Variants in RBM44 observed in about 807,000 individuals in gnomAD.
RBM44 encodes RNA-binding protein 44.
RBM44 carries 66 observed loss-of-function variants against 105.1 expected under a neutral mutation model. The observed-to-expected ratio is 0.63, with a 90% CI of 0.52 to 0.77. The LOEUF (loss-of-function observed/expected upper bound fraction) is 0.77, where lower values mean the gene tolerates loss of function less well. Among genes scored for constraint, RBM44 ranks in the 30% least tolerant of loss-of-function variants. The pLI is 0.00. For synonymous variants in RBM44, 365 were observed against 417.6 expected, an observed-to-expected ratio of 0.87 and a Z score of 1.54; for missense variants, 1,122 against 1,207.8, an observed-to-expected ratio of 0.93 and a Z score of 1.05.
chr2:237,817,611 A>G lies in RBM44; in HGVS notation c.692A>G (p.Asn231Ser), dbSNP rs191064368. The change falls in exon 3 of 16, where the codon AAT becomes AGT. Residue 231 changes from asparagine (N) to serine (S), a missense_variant. Physicochemically the swap from Asn to Ser is conservative, Grantham distance 46. Coordinates refer to ENST00000316997, the MANE Select transcript of RBM44 (RefSeq NM_001080504.3). Reference sequence around the variant, plus strand: ...GGTTATGAAGTTAAATGTGCTAGCAATGTAGAAGATAATCGTGTTAACTCG... The same window carrying G: ...GGTTATGAAGTTAAATGTGCTAGCAGTGTAGAAGATAATCGTGTTAACTCG... ...NSGYEVKCAS[N>S]VEDNRVNSGS... 4.3e-4 allele frequency: 695 copies of G among 1,613,006 alleles called. 1 individual carries two copies. Among genetic ancestry groups the G allele is most frequent in the Non-Finnish European group, 4.4e-4 (524 of 1,179,446 alleles).
intron 2 of RBM44, 42 bp from the exon 3 acceptor site, chr2:237,816,951 C>G: frequency 8.1e-7 from 1 of 1,233,814 alleles, no homozygotes; most frequent in African/African-American, 1.5e-5. Context: ...TGTCTAGATT[C>G]TGTAATGTTG....
At position 237,824,388 on chromosome 2, in the gene RBM44, A is replaced by G; in HGVS notation, c.2418A>G (p.Glu806=). ...CAGGGACACAGGGAAATCAAGTAGA[A>G]CAAGACACATGGAATTTGGATCTTA... ...DVSGTQGNQV[E]QDTWNLDLTG... The change falls in exon 10 of 16, where the codon GAA becomes GAG. Residue 806 remains glutamate, a synonymous_variant. Coordinates refer to ENST00000316997, the MANE Select transcript of RBM44 (RefSeq NM_001080504.3). 6 of 1,612,950 alleles carry G rather than the reference A, an allele frequency of 3.7e-6. No individual in the cohort carries two copies. Among genetic ancestry groups the G allele is most frequent in the Non-Finnish European group, 5.1e-6 (6 of 1,179,250 alleles).
At position 237,827,427 on chromosome 2, in the gene RBM44, T is replaced by C. The variant is rs986539115; in HGVS notation, c.2530-6T>C. The stretch of plus-strand genomic sequence containing the variant: ...CTTTCACAAACTTTTATTTCTCTTC[T>C]TTTAGGCCGATTTAAGGTCTCATTT... On this transcript the variant is annotated splice_region_variant and splice_polypyrimidine_tract_variant and intron_variant, in intron 11 of 15. Transcript: ENST00000316997. 18 of 1,516,860 alleles carry C rather than the reference T, an allele frequency of 1.2e-5. No individual in the cohort carries two copies. The highest frequency in any genetic ancestry group is 1.6e-5 in the Non-Finnish European group (18 of 1,117,306). The allele number at this position is 1,516,860 out of a possible 1,614,324, so 94.0% of individuals were successfully genotyped here.
intron 2 of RBM44, among the ~76,000 whole-genome samples, chr2:237,815,614 G>C (rs2061706658): frequency 6.6e-6 from 1 of 151,876 alleles, no homozygotes; most frequent in Admixed American, 6.6e-5. Context: ...GAAAATACAA[G>C]AATACATTGG....
chr2:237,818,922 G>A lies in RBM44; in HGVS notation c.1699G>A (p.Ala567Thr), dbSNP rs1202037569. 2.7e-6 allele frequency: 4 copies of A among 1,484,532 alleles called. No homozygotes were observed. Among genetic ancestry groups the A allele is most frequent in the Non-Finnish European group, 3.7e-6 (4 of 1,092,578 alleles). The allele number at this position is 1,484,532 out of a possible 1,614,324, so 92.0% of individuals were successfully genotyped here. A position where few individuals can be genotyped will look rare whatever the true frequency, so the allele number is the denominator to read the frequency against. The change falls in exon 4 of 16, where the codon GCA becomes ACA. Residue 567 changes from alanine to threonine, a missense_variant. By Grantham distance (58) the Ala-to-Thr change is moderately conservative. Around this residue, in one of 3 missense-constraint regions of RBM44, gnomAD observed 918 missense variants for 955.3 expected, o/e 0.96. Coordinates refer to ENST00000316997, the MANE Select transcript of RBM44 (RefSeq NM_001080504.3). The surrounding 1 kb of genome is among the most constrained non-coding windows in gnomAD (Gnocchi z 4.6). ...TCAGGATTTCCTGGAATTAAGAAAA[G>A]CATGTGGTATCACAGACCTAAAGAA... ...LNKDFLELRK[A>T]CGITDLKKHP...
intron 1 of RBM44, among the ~76,000 whole-genome samples, chr2:237,809,189 TC>T (rs2150970566): frequency 6.6e-6 from 1 of 152,308 alleles, no homozygotes; most frequent in South Asian, 2.1e-4. Context: ...GTTGACTCTT[TC>T]AAGTCTTATG....
rs113151634 is a variant in RBM44 at position 237,821,539 on chromosome 2, A to G, written c.2120+171A>G. ...TTGTACAAATGTATGGGGTACATGT[A>G]ATATTTTTTGCATGCATAGGATGTG... On this transcript the variant is annotated intron_variant, in intron 7 of 15. Transcript: ENST00000316997. Among the ~76,000 whole-genome samples, 455 of 152,184 alleles carry G rather than the reference A, an allele frequency of 3.0e-3. 1 individual carries two copies. The highest frequency in any genetic ancestry group is 4.6e-3 in the Non-Finnish European group (310 of 67,986).
chr2:237,807,762 T>G (rs766827250), intron 1 of RBM44, among the ~76,000 whole-genome samples: 37 of 152,256 alleles, frequency 2.4e-4, no homozygotes, highest in Admixed American at 3.9e-4. Flanking sequence ...GCCTTACAAT[T>G]AAAGTAAACC....
rs1576514569 is a variant in RBM44 at position 237,829,602 on chromosome 2, G to T, written c.2886+100G>T. 3 of 1,027,386 alleles carry T rather than the reference G, an allele frequency of 2.9e-6. No individual in the cohort carries two copies. The South Asian group carries it at 5.0e-5, about 17-fold the overall frequency. 63.6% of individuals were successfully genotyped at this position (1,027,386 alleles called of 1,614,324 possible). On this transcript the variant is annotated intron_variant, in intron 13 of 15. Coordinates refer to ENST00000316997, the MANE Select transcript of RBM44 (RefSeq NM_001080504.3). Reference sequence around the variant, plus strand: ...ACTTCAATATGCAGTCTTGAAATGGGAATGACAGCATTAATCTGAATTGTT... The same window carrying T: ...ACTTCAATATGCAGTCTTGAAATGGTAATGACAGCATTAATCTGAATTGTT...
chr2:237,818,583 A>G lies in RBM44; in HGVS notation c.1664A>G (p.Asn555Ser), dbSNP rs1204506873. The change falls in exon 3 of 16, where the codon AAT becomes AGT. Residue 555 changes from asparagine (N) to serine (S), a missense_variant. Physicochemically the swap from Asn to Ser is conservative, Grantham distance 46 (BLOSUM62 1). This residue lies in a region of RBM44 where 918 missense variants were observed against 955.3 expected (regional missense o/e 0.96). Transcript: ENST00000316997. This position sits in a 1 kb window ranked among gnomAD's most constrained non-coding sequence, Gnocchi z 4.6. ...GTTGACAGTTTAAAACCTAATGGAA[A>G]TTTTCTAAATAAGGTAAAATCAATA... ...LSVDSLKPNG[N>S]FLNKDFLELR... The G allele has an allele frequency of 6.5e-7, 1 of 1,531,338 alleles. No homozygotes were observed. The highest frequency in any genetic ancestry group is 1.3e-5 in the South Asian group (1 of 77,894). The allele number at this position is 1,531,338 out of a possible 1,614,324, so 94.9% of individuals were successfully genotyped here.
Position 237,834,101 on chromosome 2 carries a change from G to C in RBM44, c.2991G>C (p.Lys997Asn), listed in dbSNP as rs369911855. The C allele has an allele frequency of 5.1e-5, 80 of 1,581,392 alleles. No homozygotes were observed. The highest frequency in any genetic ancestry group is 6.6e-5 in the Non-Finnish European group (77 of 1,161,926). Residue 997 changes from lysine (K) to asparagine (N), a missense_variant, in exon 14 of 16, where the codon AAG (lysine) becomes AAC (asparagine). Lys to Asn is a moderately conservative substitution (Grantham distance 94). This residue lies in a region of RBM44 where 194 missense variants were observed against 225.5 expected (regional missense o/e 0.86). Coordinates refer to ENST00000316997, the MANE Select transcript of RBM44 (RefSeq NM_001080504.3). Reference sequence around the variant, plus strand: ...CATTGAACCTTCGTAGCTTTACCAAGATCATAAAGAGACTGGCTGAACTGC... The same window carrying C: ...CATTGAACCTTCGTAGCTTTACCAACATCATAAAGAGACTGGCTGAACTGC... ...PNTLNLRSFT[K>N]IIKRLAELHP...
chr2:237,829,101 AT>A, intron 12 of RBM44, 115 bp from the exon 13 acceptor site: 1 of 708,218 alleles, frequency 1.4e-6, no homozygotes, highest in South Asian at 2.1e-5. Flanking sequence ...CAACCTTTTT[AT>A]TTTTAAAAGC....
intron 13 of RBM44, among the ~76,000 whole-genome samples, chr2:237,833,462 TC>T (rs2061922247): frequency 1.3e-5 from 2 of 152,162 alleles, no homozygotes; most frequent in Non-Finnish European, 2.9e-5. Flanking sequence ...CTATAGTTTT[TC>T]CCCCACAGCA....
At chr2:237,813,703 C>A (rs749193733) in intron 2 of RBM44, 21 bp downstream of exon 2, 20 of 1,520,064 alleles carry the variant, frequency 1.3e-5, no homozygotes, top group Middle Eastern at 1.7e-4. Flanking sequence ...AGTCCACTTA[C>A]CCTTATTCTT....
Position 237,817,024 on chromosome 2 carries a change from G to T in RBM44, c.105G>T (p.Leu35Phe), listed in dbSNP as rs758946689. Residue 35 changes from leucine to phenylalanine, a missense_variant, in exon 3 of 16, where the codon TTG becomes TTT. By Grantham distance (22) the Leu-to-Phe change is conservative. This residue lies in a region of RBM44 where 918 missense variants were observed against 955.3 expected (regional missense o/e 0.96). Transcript: ENST00000316997. ...DKPSNPKKEN[L>F]LLSSNGCDEV... ...CTTCAAATCCAAAGAAAGAAAATTT[G>T]TTATTATCCTCCAATGGTTGTGATG... The T allele has an allele frequency of 1.3e-6, 2 of 1,547,224 alleles. No individual in the cohort carries two copies. Among genetic ancestry groups the T allele is most frequent in the Admixed American group, 2.2e-5 (1 of 46,256 alleles).
chr2:237,813,215 A>G (rs774509398), intron 1 of RBM44, among the ~76,000 whole-genome samples: 2 of 152,186 alleles, frequency 1.3e-5, no homozygotes, highest in Admixed American at 6.5e-5. Flanking sequence ...GAATTATGCA[A>G]TAGGTGATCT....
rs753653502 is a variant in RBM44, at chr2:237,817,307, A to G, written c.388A>G (p.Ser130Gly). 1 of 1,606,402 alleles carries G rather than the reference A, an allele frequency of 6.2e-7. No individual in the cohort carries two copies. The highest frequency in any genetic ancestry group is 1.7e-5 in the Admixed American group (1 of 58,640). ...AAAGAAGGAAAGTCTTACTCCTTTAAGTTCAGAATTAGATCCTGAAGTGCA... is the reference window on the plus strand; with the variant it reads ...AAAGAAGGAAAGTCTTACTCCTTTAGGTTCAGAATTAGATCCTGAAGTGCA... ...KLKKESLTPLSSELDPEVQKK... is the reference protein window; with the variant it reads ...KLKKESLTPLGSELDPEVQKK... The change falls in exon 3 of 16, where the codon AGT becomes GGT. Residue 130 changes from serine (S) to glycine (G), a missense_variant. By Grantham distance (56) the Ser-to-Gly change is moderately conservative. Transcript: ENST00000316997.
chr2:237,825,814 C>T (rs923673281), intron 10 of RBM44, among the ~76,000 whole-genome samples: 2 of 152,084 alleles, frequency 1.3e-5, no homozygotes, highest in African/African-American at 4.8e-5. Context: ...TCATTATTCC[C>T]TCCTCACTCC....
At chr2:237,829,629 T>G in intron 13 of RBM44, 127 bp downstream of exon 13, 2 of 879,588 alleles carry the variant, frequency 2.3e-6, no homozygotes, top group Non-Finnish European at 1.7e-6. Context: ...TGAATTGTTT[T>G]CAACCTTGAA....
Sources: gnomAD v4.1 joint callset for allele counts (sites outside exome capture counted in the v4.1 genomes callset) on GRCh38, gnomAD v4.1.1 for gene constraint, gnomAD v4.1.1 regional missense constraint, Gnocchi (gnomAD v3.1) non-coding constraint, MANE v1.5 for transcripts, NCBI Gene and HGNC (gene_info 2026-07-23, HGNC 2026-07-21) for gene names.